The following RYR3 variants were observed in gnomAD, a reference collection of about 807,000 sequenced individuals.
The protein encoded by RYR3 is brain ryanodine receptor-calcium release channel.
In RYR3, 207 loss-of-function variants were observed where a neutral mutation model predicts 584.3. That is an observed-to-expected ratio of 0.35 (90% CI 0.32 to 0.40). The LOEUF (loss-of-function observed/expected upper bound fraction) is 0.40, where lower values mean the gene tolerates loss of function less well. Ranked by LOEUF, RYR3 falls within the 10% of genes least tolerant of loss-of-function variation. The pLI is 1.00. For missense variants in RYR3, 5,616 were observed against 6,089.2 expected (o/e 0.92, Z 2.59); for synonymous variants, 2,416 against 2,248.5 (o/e 1.07, Z -2.11).
chr15:33,668,824 A>G (rs1226363123), intron 36 of RYR3, among the ~76,000 whole-genome samples: 1 of 152,212 alleles, frequency 6.6e-6, no homozygotes, highest in Non-Finnish European at 1.5e-5. Flanking sequence ...AATCAGAGAC[A>G]TGAAAAAAAA....
In RYR3 at chr15:33,311,151, G is replaced by A; in HGVS notation, c.51+55G>A. The A allele has an allele frequency of 7.2e-7, 1 of 1,395,822 alleles. No individual in the cohort carries two copies. The highest frequency in any genetic ancestry group is 1.4e-5 in the South Asian group (1 of 72,404). 86.5% of individuals were successfully genotyped at this position (1,395,822 alleles called of 1,614,324 possible). A position where few individuals can be genotyped will look rare whatever the true frequency, so the allele number is the denominator to read the frequency against. ...GGGCAGGTGGGGAGGAGCGCGGAGC[G>A]CGGCGAGGAGGGGCTGGCTGCGCTG... On this transcript the variant is annotated intron_variant, in intron 1 of 103. Transcript: ENST00000634891. This position sits in a 1 kb window ranked among gnomAD's most constrained non-coding sequence, Gnocchi z 4.4.
At chr15:33,489,687 C>G (rs1021865642) in intron 2 of RYR3, among the ~76,000 whole-genome samples, 1 of 152,142 alleles carries the variant, frequency 6.6e-6, no homozygotes, top group African/African-American at 2.4e-5. Flanking sequence ...ATAGAACATT[C>G]TAGAATGATT....
intron 1 of RYR3, among the ~76,000 whole-genome samples, chr15:33,389,641 A>G (rs1169852348): frequency 6.6e-6 from 1 of 152,220 alleles, no homozygotes; most frequent in African/African-American, 2.4e-5. Flanking sequence ...AATATGAAAA[A>G]TATTTGTCCT....
chr15:33,497,365 T>C, intron 2 of RYR3, among the ~76,000 whole-genome samples: 1 of 152,164 alleles, frequency 6.6e-6, no homozygotes, highest in South Asian at 2.1e-4. Flanking sequence ...TCCCATCCAG[T>C]AGAAACCTGC....
At chr15:33,685,924 C>A (rs544519687) in intron 38 of RYR3, among the ~76,000 whole-genome samples, 1 of 152,310 alleles carries the variant, frequency 6.6e-6, no homozygotes, top group South Asian at 2.1e-4. Flanking sequence ...ACCAGAATCT[C>A]TGGGACACAT....
chr15:33,649,523 G>C (rs2062333194), intron 31 of RYR3, among the ~76,000 whole-genome samples: 1 of 152,102 alleles, frequency 6.6e-6, no homozygotes, highest in African/African-American at 2.4e-5. Context: ...CAGGACTTCT[G>C]GGCAAGTCCC....
intron 4 of RYR3, among the ~76,000 whole-genome samples, chr15:33,531,749 G>T (rs990239241): frequency 2.0e-5 from 3 of 151,924 alleles, no homozygotes; most frequent in African/African-American, 7.3e-5. Flanking sequence ...ATGTCCAAAC[G>T]GAAGTGTATC....
intron 38 of RYR3, among the ~76,000 whole-genome samples, chr15:33,692,169 T>C (rs1034684379): frequency 1.3e-5 from 2 of 152,214 alleles, no homozygotes; most frequent in African/African-American, 4.8e-5. Context: ...CTAGAAAATG[T>C]ATTCTTTTTA....
chr15:33,763,499 AC>A (rs1326823482), intron 60 of RYR3, among the ~76,000 whole-genome samples: 1 of 152,114 alleles, frequency 6.6e-6, no homozygotes, highest in East Asian at 1.9e-4. Flanking sequence ...TATGCGGCCA[AC>A]AAACATATGA....
At chr15:33,447,907 G>T (rs2046806712) in intron 1 of RYR3, among the ~76,000 whole-genome samples, 1 of 152,116 alleles carries the variant, frequency 6.6e-6, no homozygotes, top group Non-Finnish European at 1.5e-5. Context: ...ATCTCTTTTT[G>T]AGGCTCAGTG....
chr15:33,768,241 A>T (rs1425350225), intron 60 of RYR3, among the ~76,000 whole-genome samples: 1 of 152,166 alleles, frequency 6.6e-6, no homozygotes, highest in Non-Finnish European at 1.5e-5. Context: ...CATACCCTCA[A>T]TGGAAGGCTA....
chr15:33,486,480 T>C (rs1165930705), intron 2 of RYR3, among the ~76,000 whole-genome samples: 1 of 152,214 alleles, frequency 6.6e-6, no homozygotes, highest in African/African-American at 2.4e-5. Context: ...CCATCTCAAC[T>C]TGATTATATC....
At position 33,623,590 on chromosome 15, in the gene RYR3, C is replaced by T. The variant is rs552605206; in HGVS notation, c.2358-217C>T. ...GTATATAAATGTTTAGGAACTTAGC[C>T]GTGATGGGTCAGCTGAGGATCAGCC... On this transcript the variant is annotated intron_variant, in intron 19 of 103. Transcript: ENST00000634891. 4.2e-4 allele frequency among the ~76,000 whole-genome samples: 64 copies of T among 152,256 alleles called. No homozygotes were observed. In the South Asian group the frequency reaches 0.013, roughly 31 times the overall value.
intron 1 of RYR3, among the ~76,000 whole-genome samples, chr15:33,460,048 A>T (rs2047888581): frequency 1.3e-5 from 2 of 152,220 alleles, no homozygotes; most frequent in African/African-American, 4.8e-5. Flanking sequence ...TAAGCACTCT[A>T]AGAACTTTTA....
At chr15:33,839,013 C>G (rs1331470589) in intron 89 of RYR3, 55 bp downstream of exon 89, 1 of 1,555,882 alleles carries the variant, frequency 6.4e-7, no homozygotes, top group Admixed American at 1.9e-5. Context: ...AGACTTGCCA[C>G]CATATCTTGT....
intron 1 of RYR3, among the ~76,000 whole-genome samples, chr15:33,447,004 G>A (rs1032141045): frequency 2.0e-5 from 3 of 152,174 alleles, no homozygotes; most frequent in Non-Finnish European, 2.9e-5. Context: ...TGTAGAGTGC[G>A]TCTCACCCTG....
At chr15:33,807,787 T>C (rs879512832) in intron 70 of RYR3, 52 of 589,620 alleles carry the variant, frequency 8.8e-5, no homozygotes, top group Non-Finnish European at 1.5e-4. Flanking sequence ...CAGCCAAGCC[T>C]CACCCTAACC....
At chr15:33,784,470 A>G (rs901254364) in intron 65 of RYR3, among the ~76,000 whole-genome samples, 5 of 152,374 alleles carry the variant, frequency 3.3e-5, no homozygotes, top group Non-Finnish European at 5.9e-5. Flanking sequence ...TTGGAAATGT[A>G]TGAGAACTTT....
intron 20 of RYR3, among the ~76,000 whole-genome samples, chr15:33,626,585 G>A (rs1393313216): frequency 6.6e-6 from 1 of 152,158 alleles, no homozygotes; most frequent in Non-Finnish European, 1.5e-5. Flanking sequence ...TGTCTCCAAG[G>A]CATGTCATTG....
Sources: allele counts gnomAD v4.1 joint callset (sites outside exome capture counted in the v4.1 genomes callset), GRCh38; gene constraint gnomAD v4.1.1; non-coding constraint Gnocchi (gnomAD v3.1); transcripts MANE v1.5; gene names NCBI Gene and HGNC (gene_info 2026-07-23, HGNC 2026-07-21).